XKR9: variants seen among roughly 807,000 people sequenced by gnomAD.
XKR9 encodes the protein XK-related protein 9.
In XKR9, 32 loss-of-function variants were observed where a neutral mutation model predicts 32.0. The ratio of observed to expected loss-of-function variants is 1.00; its 90% confidence interval spans 0.76 to 1.34. The LOEUF is 1.34. XKR9 is among the 40% of genes most tolerant of loss of function. XKR9 has a pLI of 0.00. For missense variants in XKR9, 546 were observed against 429.7 expected (o/e 1.27, Z -2.39); for synonymous variants, 168 against 143.4 (o/e 1.17, Z -1.22).
the XKR9 span, among the ~76,000 whole-genome samples, chr8:70,947,842 G>T: frequency 6.6e-6 from 1 of 152,140 alleles, no homozygotes; most frequent in Non-Finnish European, 1.5e-5. Flanking sequence ...TAAGGTATTT[G>T]ATTCTCTTCT....
the XKR9 span, among the ~76,000 whole-genome samples, chr8:71,053,913 C>T: frequency 6.6e-6 from 1 of 152,176 alleles, no homozygotes; most frequent in South Asian, 2.1e-4. Flanking sequence ...ACCCAGCTGC[C>T]AAGCTAATAA....
At chr8:70,764,126 C>G (rs1158401367) in intron 2 of XKR9, among the ~76,000 whole-genome samples, 2 of 152,172 alleles carry the variant, frequency 1.3e-5, no homozygotes, top group Non-Finnish European at 2.9e-5. Context: ...GTCTTGGGAT[C>G]TTCTCATTCT....
the XKR9 span, among the ~76,000 whole-genome samples, chr8:71,021,653 C>T: frequency 5.3e-5 from 8 of 152,026 alleles, no homozygotes; most frequent in Non-Finnish European, 1.0e-4. Context: ...CAGGCACGCG[C>T]CACCATGCCC....
chr8:71,055,044 C>T, the XKR9 span, among the ~76,000 whole-genome samples: 3 of 152,026 alleles, frequency 2.0e-5, no homozygotes, highest in African/African-American at 7.2e-5. Flanking sequence ...TCAAGGATAA[C>T]CTTAATGATG....
the XKR9 span, among the ~76,000 whole-genome samples, chr8:70,976,285 G>A: frequency 3.3e-5 from 5 of 152,174 alleles, no homozygotes; most frequent in African/African-American, 1.2e-4. Flanking sequence ...ATGAGAGAGG[G>A]CATCCCTGTG....
At chr8:70,929,893 C>T in the XKR9 span, among the ~76,000 whole-genome samples, 6 of 152,272 alleles carry the variant, frequency 3.9e-5, no homozygotes, top group South Asian at 4.1e-4. Flanking sequence ...CTGCAAAGTC[C>T]CTTCACAGAA....
chr8:71,039,139 G>C, the XKR9 span, among the ~76,000 whole-genome samples: 2,850 of 152,252 alleles, frequency 0.019, 82 homozygotes, highest in African/African-American at 0.066. Context: ...CTAAGGCTGA[G>C]AGGGCTCTGA....
chr8:70,995,379 A>AT, the XKR9 span, among the ~76,000 whole-genome samples: 4 of 152,026 alleles, frequency 2.6e-5, no homozygotes, highest in Admixed American at 6.5e-5. Context: ...CCCTTATATA[A>AT]TTTTTTTTGA....
At chr8:70,969,057 A>C in the XKR9 span, among the ~76,000 whole-genome samples, 2 of 152,154 alleles carry the variant, frequency 1.3e-5, no homozygotes, top group African/African-American at 4.8e-5. Flanking sequence ...CAATTTCATA[A>C]TGCTGCTTAC....
At chr8:70,893,720 G>C in the XKR9 span, among the ~76,000 whole-genome samples, 1 of 152,052 alleles carries the variant, frequency 6.6e-6, no homozygotes, top group African/African-American at 2.4e-5. Context: ...AGGTCTTTTG[G>C]GGTTCTTCTA....
At chr8:70,719,568 C>T (rs1806206248) in intron 4 of XKR9, among the ~76,000 whole-genome samples, 1 of 152,066 alleles carries the variant, frequency 6.6e-6, no homozygotes, top group African/African-American at 2.4e-5. Context: ...GGAATCCTTT[C>T]CTCTTTGCTT....
chr8:70,776,608 A>G (rs892579142), intron 2 of XKR9, among the ~76,000 whole-genome samples: 1 of 151,912 alleles, frequency 6.6e-6, no homozygotes, highest in African/African-American at 2.4e-5. Flanking sequence ...CTCCCTCCAG[A>G]TCAGTGAGTG....
chr8:70,745,388 G>T (rs1180246032), intron 2 of XKR9, among the ~76,000 whole-genome samples: 1 of 152,068 alleles, frequency 6.6e-6, no homozygotes, highest in Non-Finnish European at 1.5e-5. Flanking sequence ...ATAATTATGA[G>T]CAATACTTTC....
At chr8:71,013,517 G>A in the XKR9 span, among the ~76,000 whole-genome samples, 550 of 152,324 alleles carry the variant, frequency 3.6e-3, 4 homozygotes, top group African/African-American at 0.013. Flanking sequence ...GTTTCCACAA[G>A]TTGGTTAATG....
At chr8:70,969,059 G>C in the XKR9 span, among the ~76,000 whole-genome samples, 3 of 152,150 alleles carry the variant, frequency 2.0e-5, no homozygotes, top group Non-Finnish European at 4.4e-5. Flanking sequence ...ATTTCATAAT[G>C]CTGCTTACTT....
chr8:70,983,027 G>A, the XKR9 span, among the ~76,000 whole-genome samples: 1 of 152,160 alleles, frequency 6.6e-6, no homozygotes, highest in African/African-American at 2.4e-5. Context: ...AAGAGCTACT[G>A]TCACCCCTTC....
chr8:70,805,825 G>A, the XKR9 span, among the ~76,000 whole-genome samples: 1 of 152,132 alleles, frequency 6.6e-6, no homozygotes. Context: ...CTTTCCTCCT[G>A]GTAGTTCTGA....
the XKR9 span, among the ~76,000 whole-genome samples, chr8:70,959,617 C>A: frequency 6.6e-6 from 1 of 152,152 alleles, no homozygotes; most frequent in Non-Finnish European, 1.5e-5. Flanking sequence ...TTTTAGCTGA[C>A]ATGCCTTTGT....
chr8:70,941,810 C>A, the XKR9 span, among the ~76,000 whole-genome samples: 59 of 152,080 alleles, frequency 3.9e-4, no homozygotes, highest in African/African-American at 1.4e-3. Flanking sequence ...TTGTCTACAC[C>A]ACAAAATCAG....
Sources: gnomAD v4.1 joint callset for allele counts (sites outside exome capture counted in the v4.1 genomes callset) on GRCh38, gnomAD v4.1.1 for gene constraint, MANE v1.5 for transcripts, NCBI Gene and HGNC (gene_info 2026-07-23, HGNC 2026-07-21) for gene names.